Variants in CDCP1 observed in about 807,000 individuals in gnomAD.
The protein encoded by CDCP1 is CUB domain containing protein 1.
A neutral mutation model predicts 60.2 loss-of-function variants in CDCP1; 29 were observed. That is an observed-to-expected ratio of 0.48 (90% CI 0.36 to 0.66). The LOEUF (loss-of-function observed/expected upper bound fraction) is 0.66. Ranked by LOEUF, CDCP1 falls within the 30% of genes least tolerant of loss-of-function variation. The pLI, the probability that CDCP1 is intolerant of heterozygous loss-of-function variation, is 0.00. For missense variants in CDCP1, 876 were observed against 1,074.3 expected, an observed-to-expected ratio of 0.82 and a Z score of 2.58; for synonymous variants, 387 against 431.1, an observed-to-expected ratio of 0.90 and a Z score of 1.27.
chr3:45,099,940 C>T (rs991149283), intron 4 of CDCP1, among the ~76,000 whole-genome samples: 4 of 152,116 alleles, frequency 2.6e-5, no homozygotes, highest in Non-Finnish European at 4.4e-5. Flanking sequence ...TCTCTGTTTC[C>T]TGCAAGTGGC....
rs1029424383 is a variant in CDCP1 at position 45,110,599 on chromosome 3, T to C, written c.898A>G (p.Lys300Glu). The stretch of plus-strand genomic sequence containing the variant: ...TTCCCCGCCATGTTCCCAGGCTGCT[T>C]GTCCTCCAGCTTGAACACCTCGGGG... ...TNPEVFKLED[K>E]QPGNMAGNFN... Residue 300 changes from lysine to glutamate, a missense_variant, in exon 4 of 9, where the codon AAG becomes GAG. Coordinates refer to ENST00000296129, the MANE Select transcript of CDCP1 (RefSeq NM_022842.5). 6.2e-7 allele frequency: 1 copy of C among 1,614,082 alleles called. No homozygotes were observed. Among genetic ancestry groups the C allele is most frequent in the African/African-American group, 1.3e-5 (1 of 74,936 alleles).
In CDCP1 at chr3:45,085,647, T is replaced by C. The variant is rs1265209977; in HGVS notation, c.2502A>G (p.Pro834=). The part of the protein sequence containing the change: ...PLLNTQEPME[P]AE ...TCTGGAATGGATCAAGTTATTCTGCTGGCTCCATGGGCTCCTGAGTGTTCA... is the reference window on the plus strand; with the variant it reads ...TCTGGAATGGATCAAGTTATTCTGCCGGCTCCATGGGCTCCTGAGTGTTCA... Residue 834 remains proline (P), a synonymous_variant, in exon 9 of 9, where the codon CCA becomes CCG. Coordinates refer to ENST00000296129, the MANE Select transcript of CDCP1 (RefSeq NM_022842.5). The surrounding 1 kb of genome is among the most constrained non-coding windows in gnomAD (Gnocchi z 4.2). The C allele has an allele frequency of 1.2e-6, 2 of 1,610,992 alleles. No individual in the cohort carries two copies. Among genetic ancestry groups the C allele is most frequent in the South Asian group, 2.2e-5 (2 of 90,930 alleles).
intron 1 of CDCP1, among the ~76,000 whole-genome samples, chr3:45,129,291 C>T (rs1453431969): frequency 1.3e-5 from 2 of 152,222 alleles, no homozygotes; most frequent in Non-Finnish European, 2.9e-5. Flanking sequence ...CATCTTAAGG[C>T]TCCTTGTCAA....
chr3:45,091,159 C>A lies in CDCP1; in HGVS notation c.1993+14G>T. ...TTGTTCATCACTGTCCCCAAAGACC[C>A]TGAAGGCCCTTACCCACAGTCCTTG... On this transcript the variant is annotated intron_variant, in intron 7 of 8. Transcript: ENST00000296129. This position sits in a 1 kb window ranked among gnomAD's most constrained non-coding sequence, Gnocchi z 4.8. 1 of 1,602,990 alleles carries A rather than the reference C, an allele frequency of 6.2e-7. No homozygotes were observed. Among genetic ancestry groups the A allele is most frequent in the South Asian group, 1.1e-5 (1 of 90,778 alleles).
At chr3:45,104,389 T>C (rs1165823009) in intron 4 of CDCP1, among the ~76,000 whole-genome samples, 1 of 152,254 alleles carries the variant, frequency 6.6e-6, no homozygotes, top group Non-Finnish European at 1.5e-5. Context: ...GTAGACACAG[T>C]TAATTTCCCT....
chr3:45,105,561 ATAGT>A (rs1248583780), intron 4 of CDCP1, among the ~76,000 whole-genome samples: 1 of 152,198 alleles, frequency 6.6e-6, no homozygotes, highest in Non-Finnish European at 1.5e-5. Flanking sequence ...TTTGAAGATA[ATAGT>A]TTGTTTGGTA....
chr3:45,090,505 C>T (rs1247280550), intron 7 of CDCP1, among the ~76,000 whole-genome samples: 1 of 152,212 alleles, frequency 6.6e-6, no homozygotes, highest in Non-Finnish European at 1.5e-5. Context: ...TAATTCATGA[C>T]ACCGAATCCC....
rs200749269 is a variant in CDCP1, at chr3:45,095,525, T to C, written c.1068A>G (p.Ser356=). The change falls in exon 5 of 9, where the codon TCA becomes TCG. Residue 356 remains serine (S), a synonymous_variant. Coordinates refer to ENST00000296129, the MANE Select transcript of CDCP1 (RefSeq NM_022842.5). The part of the protein sequence containing the change: ...VVDLSNERAM[S]LTIEPRPVKQ... ...TGACGGGCCGTGGCTCGATGGTGAG[T>C]GACATGGCTCGCTCATTACTCAAGT... The C allele has an allele frequency of 4.2e-5, 67 of 1,613,674 alleles. No homozygotes were observed. Among genetic ancestry groups the C allele is most frequent in the Non-Finnish European group, 5.5e-5 (65 of 1,179,988 alleles).
intron 1 of CDCP1, among the ~76,000 whole-genome samples, chr3:45,143,027 AC>A: frequency 6.6e-6 from 1 of 152,328 alleles, no homozygotes; most frequent in South Asian, 2.1e-4. Context: ...ATATGGTGAA[AC>A]CCCGTTTCTA....
At chr3:45,119,798 ACAAT>A (rs1437620847) in intron 1 of CDCP1, among the ~76,000 whole-genome samples, 1 of 152,216 alleles carries the variant, frequency 6.6e-6, no homozygotes, top group Non-Finnish European at 1.5e-5. Flanking sequence ...TGTGACCACC[ACAAT>A]CAGGATATAC....
rs116231135 is a variant in CDCP1 at position 45,129,890 on chromosome 3, T to C, written c.83-11269A>G. 7.2e-3 allele frequency among the ~76,000 whole-genome samples: 1,097 copies of C among 152,250 alleles called. 7 individuals carry two copies. The highest frequency in any genetic ancestry group is 0.014 in the Middle Eastern group (4 of 294). ...AAAGACTTGATATAAATCCTATTTATATCAAGTTCAAGAAGACAAAACCAA... is the reference window on the plus strand; with the variant it reads ...AAAGACTTGATATAAATCCTATTTACATCAAGTTCAAGAAGACAAAACCAA... On this transcript the variant is annotated intron_variant, in intron 1 of 8. Transcript: ENST00000296129.
chr3:45,107,710 A>G (rs1576093006), intron 4 of CDCP1, among the ~76,000 whole-genome samples: 1 of 152,220 alleles, frequency 6.6e-6, no homozygotes, highest in South Asian at 2.1e-4. Context: ...TGGTCAAAGT[A>G]AGTGGGGGAA....
rs758270201 is a variant in CDCP1, at chr3:45,085,762, C to T, written c.2387G>A (p.Arg796His). Residue 796 changes from arginine (R) to histidine (H), a missense_variant, in exon 9 of 9, where the codon CGC (arginine) becomes CAC (histidine). Physicochemically the swap from Arg to His is conservative, Grantham distance 29. Transcript: ENST00000296129. This position sits in a 1 kb window ranked among gnomAD's most constrained non-coding sequence, Gnocchi z 4.2. Reference sequence around the variant, plus strand: ...TTCACTCTCAGACTCAGGAGGGGAGCGAGGAGGTGGCTCCTCAGTGGCCAA... The same window carrying T: ...TTCACTCTCAGACTCAGGAGGGGAGTGAGGAGGTGGCTCCTCAGTGGCCAA... The part of the protein sequence containing the change: ...AKLATEEPPP[R>H]SPPESESEPY... 6 of 1,614,046 alleles carry T rather than the reference C, an allele frequency of 3.7e-6. No homozygotes were observed. In the Admixed American group the frequency reaches 6.7e-5, roughly 18 times the overall value.
intron 4 of CDCP1, 57 bp downstream of exon 4, chr3:45,110,416 C>T: frequency 6.3e-7 from 1 of 1,588,070 alleles, no homozygotes; most frequent in Non-Finnish European, 8.6e-7. Flanking sequence ...GGCAGACTAC[C>T]CAGGAAACAA....
At position 45,091,405 on chromosome 3, in the gene CDCP1, G is replaced by A; in HGVS notation, c.1761C>T (p.Cys587=). The A allele has an allele frequency of 1.2e-6, 2 of 1,614,050 alleles. No homozygotes were observed. Among genetic ancestry groups the A allele is most frequent in the Non-Finnish European group, 1.7e-6 (2 of 1,179,970 alleles). ...CGCTCCGCTCCTTAAAGAAAGTCAGGCAGGCCACCTGGTCTCTGGGCACGC... is the reference window on the plus strand; with the variant it reads ...CGCTCCGCTCCTTAAAGAAAGTCAGACAGGCCACCTGGTCTCTGGGCACGC... The part of the protein sequence containing the change: ...NISVPRDQVA[C]LTFFKERSGV... The change falls in exon 7 of 9, where the codon TGC becomes TGT. Residue 587 remains cysteine, a synonymous_variant. Coordinates refer to ENST00000296129, the MANE Select transcript of CDCP1 (RefSeq NM_022842.5). This position sits in a 1 kb window ranked among gnomAD's most constrained non-coding sequence, Gnocchi z 4.8.
chr3:45,126,347 G>A (rs72881550), intron 1 of CDCP1, among the ~76,000 whole-genome samples: 13,908 of 151,568 alleles, frequency 0.092, 1,506 homozygotes, highest in African/African-American at 0.27. Flanking sequence ...GCTGATTCCA[G>A]GAAGTGGGGA....
intron 5 of CDCP1, among the ~76,000 whole-genome samples, chr3:45,094,598 A>T (rs560646325): frequency 9.9e-5 from 15 of 151,936 alleles, no homozygotes; most frequent in Non-Finnish European, 2.1e-4. Context: ...CATGTCCAGC[A>T]CCGGTAGGGG....
In CDCP1 at chr3:45,146,198, G is replaced by T. The variant is rs1396634128; in HGVS notation, c.82+8C>A. 6.3e-7 allele frequency: 1 copy of T among 1,586,410 alleles called. No homozygotes were observed. The highest frequency in any genetic ancestry group is 1.1e-5 in the South Asian group (1 of 87,582). On this transcript the variant is annotated splice_region_variant and intron_variant, in intron 1 of 8. Coordinates refer to ENST00000296129, the MANE Select transcript of CDCP1 (RefSeq NM_022842.5). Reference sequence around the variant, plus strand: ...CCACGCCATCCGCCTCCAAAGCCCGGCACTCACCTGCCCCGCGCGGCAGGC... The same window carrying T: ...CCACGCCATCCGCCTCCAAAGCCCGTCACTCACCTGCCCCGCGCGGCAGGC...
chr3:45,095,088 C>G (rs1456781612), intron 5 of CDCP1, among the ~76,000 whole-genome samples: 2 of 152,168 alleles, frequency 1.3e-5, no homozygotes, highest in Non-Finnish European at 2.9e-5. Flanking sequence ...CGCCTGCCAC[C>G]ATGCCCAGCT....
Sources: allele counts gnomAD v4.1 joint callset (sites outside exome capture counted in the v4.1 genomes callset), GRCh38; gene constraint gnomAD v4.1.1; non-coding constraint Gnocchi (gnomAD v3.1); transcripts MANE v1.5; gene names NCBI Gene and HGNC (gene_info 2026-07-23, HGNC 2026-07-21).